The following PCDH17 variants were observed in gnomAD, a reference collection of about 807,000 sequenced individuals.
PCDH17 encodes protocadherin 17.
PCDH17 carries 21 observed loss-of-function variants against 67.7 expected under a neutral mutation model. That is an observed-to-expected ratio of 0.31 (90% CI 0.22 to 0.45). PCDH17 has a LOEUF of 0.45. PCDH17 is among the 20% of genes least tolerant of loss of function. PCDH17 has a pLI of 1.00. For missense variants in PCDH17, 1,471 were observed against 1,564.8 expected, an observed-to-expected ratio of 0.94 and a Z score of 1.01; for synonymous variants, 701 against 656.7, an observed-to-expected ratio of 1.07 and a Z score of -1.03.
Position 57,728,889 on chromosome 13 carries a change from G to A in PCDH17, c.*3595G>A, listed in dbSNP as rs1210986004. 3 of 152,316 alleles carry A rather than the reference G, an allele frequency of 2.0e-5. No homozygotes were observed. Among genetic ancestry groups the A allele is most frequent in the Non-Finnish European group, 4.4e-5 (3 of 67,990 alleles). The allele number at this position is 152,316 out of a possible 1,614,324, so 9.4% of individuals were successfully genotyped here. The stretch of plus-strand genomic sequence containing the variant: ...TAGAGCATATGCTTTTTTAGAACCA[G>A]GTTAAAAGCTGTTTGTTATCTAATA... On this transcript the variant is annotated 3_prime_UTR_variant, in exon 4 of 4. Transcript: ENST00000377918.
Position 57,666,726 on chromosome 13 carries a change from A to C in PCDH17, c.2690A>C (p.Gln897Pro). 1 of 1,613,844 alleles carries C rather than the reference A, an allele frequency of 6.2e-7. No homozygotes were observed. The highest frequency in any genetic ancestry group is 8.5e-7 in the Non-Finnish European group (1 of 1,179,840). The change falls in exon 3 of 4, where the codon CAG becomes CCG. Residue 897 changes from glutamine (Q) to proline (P), a missense_variant. By Grantham distance (76) the Gln-to-Pro change is moderately conservative. Around this residue, in one of 3 missense-constraint regions of PCDH17, gnomAD observed 11 missense variants for 36.2 expected, o/e 0.30. Coordinates refer to ENST00000377918, the MANE Select transcript of PCDH17 (RefSeq NM_001040429.3). Reference sequence around the variant, plus strand: ...GACAGTGGGCACGGGGACAGTGATCAGGCTGACAGTGACCAAGACACTAAC... The same window carrying C: ...GACAGTGGGCACGGGGACAGTGATCCGGCTGACAGTGACCAAGACACTAAC... Reference protein sequence around the residue: ...LRDSGHGDSDQADSDQDTNKG... With the variant: ...LRDSGHGDSDPADSDQDTNKG...
intron 3 of PCDH17, among the ~76,000 whole-genome samples, chr13:57,679,204 A>G (rs1222633990): frequency 1.3e-5 from 2 of 151,534 alleles, no homozygotes; most frequent in Non-Finnish European, 3.0e-5. Flanking sequence ...TGCATGTTAC[A>G]GCTTTTCCTT....
chr13:57,638,014 A>G (rs1271375868), intron 1 of PCDH17, among the ~76,000 whole-genome samples: 1 of 152,054 alleles, frequency 6.6e-6, no homozygotes, highest in Non-Finnish European at 1.5e-5. Context: ...CCTCAGAAAA[A>G]TTAAAGTATA....
chr13:57,665,467 G>T (rs1955240110), intron 1 of PCDH17, among the ~76,000 whole-genome samples: 1 of 152,078 alleles, frequency 6.6e-6, no homozygotes, highest in African/African-American at 2.4e-5. Context: ...TGGGCCCTCT[G>T]TTTCATGAAT....
chr13:57,725,350 A>G lies in PCDH17; in HGVS notation c.*56A>G. On this transcript the variant is annotated 3_prime_UTR_variant, in exon 4 of 4. Coordinates refer to ENST00000377918, the MANE Select transcript of PCDH17 (RefSeq NM_001040429.3). ...TCTTGTCTCTTCTGTTGATTTAAAAATGATCCCTCCTGGTGATAACCCATT... is the reference window on the plus strand; with the variant it reads ...TCTTGTCTCTTCTGTTGATTTAAAAGTGATCCCTCCTGGTGATAACCCATT... 1 of 1,480,796 alleles carries G rather than the reference A, an allele frequency of 6.8e-7. No individual in the cohort carries two copies. Among genetic ancestry groups the G allele is most frequent in the South Asian group, 1.3e-5 (1 of 77,258 alleles). 91.7% of individuals were successfully genotyped at this position (1,480,796 alleles called of 1,614,324 possible).
At chr13:57,681,032 T>C (rs1356274552) in intron 3 of PCDH17, among the ~76,000 whole-genome samples, 2 of 151,786 alleles carry the variant, frequency 1.3e-5, no homozygotes, top group African/African-American at 2.4e-5. Context: ...GTGTCAAGCA[T>C]TGTCGCAAGC....
At chr13:57,699,468 A>G (rs956354122) in intron 3 of PCDH17, among the ~76,000 whole-genome samples, 1 of 151,954 alleles carries the variant, frequency 6.6e-6, no homozygotes, top group Non-Finnish European at 1.5e-5. Context: ...CTTGTTTTGT[A>G]TGATTTATTT....
At chr13:57,676,725 G>A (rs2138040657) in intron 3 of PCDH17, among the ~76,000 whole-genome samples, 1 of 151,912 alleles carries the variant, frequency 6.6e-6, no homozygotes, top group South Asian at 2.1e-4. Context: ...CCAAAATCTA[G>A]AGACCCCTAG....
intron 3 of PCDH17, among the ~76,000 whole-genome samples, chr13:57,669,731 G>C (rs1955297989): frequency 6.6e-6 from 1 of 152,064 alleles, no homozygotes; most frequent in African/African-American, 2.4e-5. Flanking sequence ...CAGCAGGTTG[G>C]AGTTTAATCC....
chr13:57,709,395 T>G (rs1190920092), intron 3 of PCDH17, among the ~76,000 whole-genome samples: 1 of 151,770 alleles, frequency 6.6e-6, no homozygotes, highest in Non-Finnish European at 1.5e-5. Context: ...ATCATGAGTG[T>G]ATTTCTTCCA....
At chr13:57,635,414 T>G (rs1045130058) in intron 1 of PCDH17, among the ~76,000 whole-genome samples, 1 of 152,242 alleles carries the variant, frequency 6.6e-6, no homozygotes, top group Non-Finnish European at 1.5e-5. Context: ...TACTTTTATT[T>G]GTTGGTTTAC....
chr13:57,725,270 C>A lies in PCDH17; in HGVS notation c.3456C>A (p.Asn1152Lys). ...IDKLLQDCRG[N>K]DPVAVRK ...AGCTTTTGCAAGACTGCCGGGGAAA[C>A]GACCCTGTGGCTGTGAGAAAGTGAA... The change falls in exon 4 of 4, where the codon AAC becomes AAA. Residue 1152 changes from asparagine (N) to lysine (K), a missense_variant. Coordinates refer to ENST00000377918, the MANE Select transcript of PCDH17 (RefSeq NM_001040429.3). The A allele has an allele frequency of 6.2e-7, 1 of 1,606,428 alleles. No homozygotes were observed. Among genetic ancestry groups the A allele is most frequent in the Non-Finnish European group, 8.5e-7 (1 of 1,175,816 alleles).
chr13:57,666,408 G>T, intron 1 of PCDH17, 60 bp from the exon 2 acceptor site: 1 of 1,243,210 alleles, frequency 8.0e-7, no homozygotes, highest in Non-Finnish European at 1.2e-6. Context: ...AAATCTTGTT[G>T]CTCTGCAGGA....
At chr13:57,721,158 A>G (rs927384728) in intron 3 of PCDH17, among the ~76,000 whole-genome samples, 1 of 152,130 alleles carries the variant, frequency 6.6e-6, no homozygotes, top group Non-Finnish European at 1.5e-5. Flanking sequence ...ATCTGTGAGT[A>G]TCTCTCATCT....
At chr13:57,676,869 A>G (rs1205568287) in intron 3 of PCDH17, among the ~76,000 whole-genome samples, 1 of 151,874 alleles carries the variant, frequency 6.6e-6, no homozygotes, top group Non-Finnish European at 1.5e-5. Context: ...AGCTGGTTGT[A>G]TTTTATGATT....
intron 3 of PCDH17, among the ~76,000 whole-genome samples, chr13:57,700,973 G>C (rs1448148588): frequency 6.6e-6 from 1 of 151,840 alleles, no homozygotes; most frequent in Non-Finnish European, 1.5e-5. Context: ...GACCAGCCTG[G>C]GCAACACAGG....
intron 3 of PCDH17, among the ~76,000 whole-genome samples, chr13:57,697,097 T>C (rs1955617558): frequency 6.6e-6 from 1 of 151,692 alleles, no homozygotes. Flanking sequence ...GGCAATCTTC[T>C]ATCCATTGGG....
intron 1 of PCDH17, among the ~76,000 whole-genome samples, chr13:57,652,095 G>T (rs528683631): frequency 6.6e-6 from 1 of 151,810 alleles, no homozygotes; most frequent in Non-Finnish European, 1.5e-5. Flanking sequence ...TGGCTAACAA[G>T]GTGAAACCCC....
intron 3 of PCDH17, among the ~76,000 whole-genome samples, chr13:57,678,708 A>C (rs191967768): frequency 6.6e-6 from 1 of 151,728 alleles, no homozygotes; most frequent in African/African-American, 2.4e-5. Flanking sequence ...CAAGGTGCAC[A>C]TGCGTCAAAA....
Sources: allele counts gnomAD v4.1 joint callset (sites outside exome capture counted in the v4.1 genomes callset), GRCh38; gene constraint gnomAD v4.1.1; regional missense constraint gnomAD v4.1.1; transcripts MANE v1.5; gene names NCBI Gene and HGNC (gene_info 2026-07-23, HGNC 2026-07-21).